Variants in TEC observed in about 807,000 individuals in gnomAD.
TEC encodes tyrosine-protein kinase Tec.
TEC carries 72 observed loss-of-function variants against 93.0 expected under a neutral mutation model. That is an observed-to-expected ratio of 0.77 (90% CI 0.64 to 0.94). The LOEUF (loss-of-function observed/expected upper bound fraction) is 0.94. TEC is among the 40% of genes least tolerant of loss of function. The probability of loss-of-function intolerance (pLI) is 0.00; values close to 1 mark genes in which losing one functional copy is unlikely to be tolerated. For missense variants in TEC, 630 were observed against 757.9 expected, an observed-to-expected ratio of 0.83 and a Z score of 1.98; for synonymous variants, 249 against 247.7, an observed-to-expected ratio of 1.01 and a Z score of -0.05.
chr4:48,186,775 G>GC (rs1253802643), intron 2 of TEC, among the ~76,000 whole-genome samples: 54 of 150,728 alleles, frequency 3.6e-4, no homozygotes, highest in African/African-American at 1.3e-3. Flanking sequence ...TGGGGGGTCA[G>GC]CCCCCGCCCT....
intron 2 of TEC, 109 bp downstream of exon 2, chr4:48,228,368 C>T: frequency 1.7e-6 from 2 of 1,189,066 alleles, no homozygotes; most frequent in South Asian, 2.0e-5. Context: ...GATAATAAAT[C>T]ATTACTTCAT....
intron 2 of TEC, among the ~76,000 whole-genome samples, chr4:48,189,305 CAT>C (rs943150298): frequency 6.6e-6 from 1 of 151,780 alleles, no homozygotes; most frequent in Admixed American, 6.6e-5. Flanking sequence ...GCTCCCAACA[CAT>C]GTGTGAAGAG....
chr4:48,140,437 G>C (rs566398404), intron 15 of TEC, among the ~76,000 whole-genome samples: 22 of 152,318 alleles, frequency 1.4e-4, no homozygotes, highest in African/African-American at 4.8e-4. Flanking sequence ...CTGAACATCA[G>C]ATCAAGTAGC....
rs1257123051 is a variant in TEC, at chr4:48,205,299, C to G, written c.138+23178G>C. Among the ~76,000 whole-genome samples, 3 of 152,216 alleles carry G rather than the reference C, an allele frequency of 2.0e-5. No homozygotes were observed. The South Asian group carries it at 6.2e-4, about 32-fold the overall frequency. ...TTCACCTGATTCTCCCTTCCACTCA[C>G]TGGTGTGCTGGAGTCAGCTCATGAC... On this transcript the variant is annotated intron_variant, in intron 2 of 17. Transcript: ENST00000381501.
intron 15 of TEC, among the ~76,000 whole-genome samples, chr4:48,140,696 AT>A (rs561695065): frequency 2.6e-5 from 4 of 151,748 alleles, no homozygotes; most frequent in Admixed American, 6.6e-5. Flanking sequence ...GGAATTTCAG[AT>A]TTTTTTTTAC....
intron 7 of TEC, among the ~76,000 whole-genome samples, chr4:48,164,532 GTAT>G (rs1459621952): frequency 6.8e-6 from 1 of 147,946 alleles, no homozygotes; most frequent in Non-Finnish European, 1.5e-5. Flanking sequence ...TGAATTTAAA[GTAT>G]TAGTAAGAAC....
chr4:48,249,642 G>A (rs1462085727), intron 1 of TEC, among the ~76,000 whole-genome samples: 1 of 152,202 alleles, frequency 6.6e-6, no homozygotes, highest in Non-Finnish European at 1.5e-5. Flanking sequence ...TACCTTTGGA[G>A]ATTCCAACTT....
intron 2 of TEC, among the ~76,000 whole-genome samples, chr4:48,202,394 T>C (rs1722557808): frequency 6.6e-6 from 1 of 151,952 alleles, no homozygotes; most frequent in Middle Eastern, 3.2e-3. Flanking sequence ...GCCAAAACCC[T>C]GTCTCTACTA....
chr4:48,179,985 A>G (rs143693636), intron 2 of TEC, among the ~76,000 whole-genome samples: 248 of 152,242 alleles, frequency 1.6e-3, no homozygotes, highest in African/African-American at 5.6e-3. Context: ...CAAAACACCC[A>G]TATCTCCATG....
chr4:48,166,839 C>T (rs916676848), intron 7 of TEC, among the ~76,000 whole-genome samples: 3 of 151,524 alleles, frequency 2.0e-5, no homozygotes, highest in Non-Finnish European at 4.4e-5. Flanking sequence ...CTCATATATG[C>T]ACCATGCCTA....
intron 1 of TEC, among the ~76,000 whole-genome samples, chr4:48,236,779 C>A (rs1310272523): frequency 6.6e-6 from 1 of 152,176 alleles, no homozygotes; most frequent in African/African-American, 2.4e-5. Context: ...GTGAGAAACA[C>A]AAACCACCAA....
intron 9 of TEC, among the ~76,000 whole-genome samples, chr4:48,152,359 A>G (rs781087794): frequency 2.6e-5 from 4 of 152,056 alleles, no homozygotes; most frequent in Non-Finnish European, 5.9e-5. Flanking sequence ...AATCACTTGA[A>G]TCCTGGAGGT....
intron 2 of TEC, among the ~76,000 whole-genome samples, chr4:48,205,073 A>G (rs1455121046): frequency 2.0e-5 from 3 of 152,210 alleles, no homozygotes; most frequent in Non-Finnish European, 4.4e-5. Context: ...GACTTAGTTA[A>G]TTAAGCTCCC....
At chr4:48,254,294 G>T (rs1724284581) in intron 1 of TEC, among the ~76,000 whole-genome samples, 1 of 152,198 alleles carries the variant, frequency 6.6e-6, no homozygotes, top group South Asian at 2.1e-4. Context: ...TGCATGAATG[G>T]CTTGAACCCT....
At chr4:48,236,159 G>C (rs1317218922) in intron 1 of TEC, among the ~76,000 whole-genome samples, 1 of 152,158 alleles carries the variant, frequency 6.6e-6, no homozygotes, top group South Asian at 2.1e-4. Context: ...AAATTGAAGG[G>C]AGATGTCCCC....
chr4:48,237,319 C>CAAA (rs34570564), intron 1 of TEC, among the ~76,000 whole-genome samples: 63 of 119,240 alleles, frequency 5.3e-4, no homozygotes, highest in African/African-American at 1.0e-3. Flanking sequence ...GACTCTGTCT[C>CAAA]AAAAAAAAAA....
At chr4:48,227,057 TACACACAC>T (rs1723490140) in intron 2 of TEC, among the ~76,000 whole-genome samples, 1 of 152,166 alleles carries the variant, frequency 6.6e-6, no homozygotes. Context: ...CATGTACAGA[TACACACAC>T]ATACACACAC....
rs768480313 is a variant in TEC, at chr4:48,170,278, C to T, written c.424G>A (p.Gly142Arg). The change falls in exon 5 of 18, where the codon GGA (glycine) becomes AGA (arginine). Residue 142 changes from glycine (G) to arginine (R), a missense_variant. Transcript: ENST00000381501. ...TCAAAAAGATTGTATTTTTCACATC[C>T]GGGTGCTAATTTTTCAGTTTGTCTA... is the stretch of plus-strand genomic sequence containing the variant. ...CCRQTEKLAPGCEKYNLFESS... is the reference protein window; with the variant it reads ...CCRQTEKLAPRCEKYNLFESS... 9 of 1,594,042 alleles carry T rather than the reference C, an allele frequency of 5.6e-6. No homozygotes were observed. Among genetic ancestry groups the T allele is most frequent in the African/African-American group, 1.3e-5 (1 of 74,484 alleles).
At chr4:48,163,566 C>G in intron 8 of TEC, 136 bp downstream of exon 8, 1 of 593,318 alleles carries the variant, frequency 1.7e-6, no homozygotes, top group Non-Finnish European at 2.9e-6. Context: ...CCACATCAGG[C>G]AATTGAGTTA....
Sources: allele counts gnomAD v4.1 joint callset (sites outside exome capture counted in the v4.1 genomes callset), GRCh38; gene constraint gnomAD v4.1.1; transcripts MANE v1.5; gene names NCBI Gene and HGNC (gene_info 2026-07-23, HGNC 2026-07-21).